The following HDAC6 variants were observed in gnomAD, a reference collection of about 807,000 sequenced individuals.
HDAC6 encodes protein deacetylase HDAC6.
HDAC6 carries 5 observed loss-of-function variants against 88.9 expected under a neutral mutation model. The observed-to-expected ratio is 0.06, with a 90% CI of 0.03 to 0.12. The LOEUF is 0.12. Among genes scored for constraint, HDAC6 ranks in the 10% least tolerant of loss-of-function variants. HDAC6 has a pLI of 1.00. For synonymous variants in HDAC6, 378 were observed against 398.0 expected, an observed-to-expected ratio of 0.95 and a Z score of 0.60; for missense variants, 706 against 1,014.4, an observed-to-expected ratio of 0.70 and a Z score of 4.13.
intron 20 of HDAC6, 189 bp from the exon 21 acceptor site, chrX:48,817,852 C>T (rs5906713): frequency 6.2e-4 from 284 of 455,524 alleles, no homozygotes; most frequent in Non-Finnish European, 1.0e-3. Flanking sequence ...GCCCAGGGCC[C>T]AGCCCCGAGC....
rs782165776 is a variant in HDAC6 at position 48,824,588 on chromosome X, G to A, written c.3624G>A (p.Gly1208=). Residue 1208 remains glycine (G), a synonymous_variant, in exon 29 of 29, where the codon GGG becomes GGA. Coordinates refer to ENST00000334136, the MANE Select transcript of HDAC6 (RefSeq NM_006044.4). ...VKNIAHQNKF[G]EDMPHPH is the part of the protein sequence containing the mutation. The stretch of plus-strand genomic sequence containing the variant: ...ACATCGCCCACCAGAACAAGTTTGG[G>A]GAGGATATGCCCCACCCACACTAAG... 2 of 1,210,354 alleles carry A rather than the reference G, an allele frequency of 1.7e-6. No homozygotes were observed. The highest frequency in any genetic ancestry group is 1.8e-5 in the South Asian group (1 of 56,825).
At chrX:48,817,886 C>T (rs1274578597) in intron 20 of HDAC6, 155 bp from the exon 21 acceptor site, 15 of 513,834 alleles carry the variant, frequency 2.9e-5, no homozygotes, top group Non-Finnish European at 5.0e-5. Flanking sequence ...TACCGGGCAG[C>T]CCTTGGGAAC....
chrX:48,816,099 C>T lies in HDAC6; in HGVS notation c.1494-42C>T, dbSNP rs782035991. On this transcript the variant is annotated intron_variant, in intron 17 of 28. Coordinates refer to ENST00000334136, the MANE Select transcript of HDAC6 (RefSeq NM_006044.4). ...TGAGTAGGTGTTGGGGGTCCCTCCC[C>T]CTCAGGCACTAAGCCTCTACCTCTC... 39 of 1,209,956 alleles carry T rather than the reference C, an allele frequency of 3.2e-5. No homozygotes were observed. The East Asian group carries it at 1.0e-3, about 31-fold the overall frequency.
intron 4 of HDAC6, among the ~76,000 whole-genome samples, chrX:48,804,411 C>T: frequency 8.9e-6 from 1 of 112,000 alleles, no homozygotes; most frequent in Non-Finnish European, 1.9e-5. Flanking sequence ...GTCTTCTACT[C>T]TTCCAGCTGC....
chrX:48,818,488 T>C (rs921834832), intron 22 of HDAC6, 76 bp downstream of exon 22: 24 of 785,290 alleles, frequency 3.1e-5, no homozygotes, highest in Non-Finnish European at 4.1e-5. Flanking sequence ...CTCCTTGGCA[T>C]GTGTGTGTGT....
chrX:48,805,840 T>C, intron 6 of HDAC6, 169 bp downstream of exon 6: 1 of 461,755 alleles, frequency 2.2e-6, no homozygotes. Flanking sequence ...CCAGTAAACA[T>C]AAGTTCCTCA....
chrX:48,824,814 T>G lies in HDAC6; in HGVS notation c.*202T>G. ...TTAATTGTGGATCTCCCCCTGCCCA[T>G]TGCCTGCTTGAGGGGCACCACTACT... On this transcript the variant is annotated 3_prime_UTR_variant, in exon 29 of 29. Transcript: ENST00000334136. The G allele has an allele frequency of 9.1e-7, 1 of 1,099,164 alleles. No individual in the cohort carries two copies. The highest frequency in any genetic ancestry group is 1.2e-6 in the Non-Finnish European group (1 of 843,303). 90.6% of individuals were successfully genotyped at this position (1,099,164 alleles called of 1,213,427 possible). A position where few individuals can be genotyped will look rare whatever the true frequency, so the allele number is the denominator to read the frequency against.
chrX:48,815,553 A>G, intron 15 of HDAC6, 22 bp from the exon 16 acceptor site: 1 of 1,208,108 alleles, frequency 8.3e-7, no homozygotes, highest in East Asian at 3.0e-5. Context: ...CCTTGACATC[A>G]TATTTTCTCC....
At chrX:48,821,299 C>G (rs1183488268) in intron 23 of HDAC6, among the ~76,000 whole-genome samples, 1 of 106,639 alleles carries the variant, frequency 9.4e-6, no homozygotes, top group Admixed American at 1.0e-4. Flanking sequence ...TCAAGCAGTT[C>G]TCTGCCTCAG....
At chrX:48,802,550 G>A in intron 1 of HDAC6, 113 bp from the exon 2 acceptor site, 2 of 1,122,433 alleles carry the variant, frequency 1.8e-6, no homozygotes, top group Non-Finnish European at 2.4e-6. Context: ...GAATCAGATC[G>A]CGTAAGGAAT....
intron 9 of HDAC6, 51 bp downstream of exon 9, chrX:48,808,188 T>G: frequency 8.7e-7 from 1 of 1,144,641 alleles, no homozygotes. Context: ...TGGGGTGTCC[T>G]GGTCTGGGCT....
chrX:48,820,049 C>T, intron 22 of HDAC6, 57 bp from the exon 23 acceptor site: 1 of 1,146,794 alleles, frequency 8.7e-7, no homozygotes, highest in Non-Finnish European at 1.2e-6. Flanking sequence ...CCATCACTTA[C>T]TGCCTACCAA....
chrX:48,815,551 T>A (rs782737021), intron 15 of HDAC6, 24 bp from the exon 16 acceptor site: 6 of 1,206,446 alleles, frequency 5.0e-6, no homozygotes, highest in Non-Finnish European at 6.7e-6. Flanking sequence ...TTCCTTGACA[T>A]CATATTTTCT....
chrX:48,823,911 AC>A lies in HDAC6; in HGVS notation c.3304-8del. The A allele has an allele frequency of 8.3e-7, 1 of 1,205,910 alleles. No individual in the cohort carries two copies. The highest frequency in any genetic ancestry group is 3.0e-5 in the East Asian group (1 of 33,665). On this transcript the variant is annotated splice_polypyrimidine_tract_variant and intron_variant, in intron 26 of 28. Coordinates refer to ENST00000334136, the MANE Select transcript of HDAC6 (RefSeq NM_006044.4). ...GTCTTCAGCTTACCTAGTTTCACCC[AC>A]CCACTCCAGGCCATATTTTATGCTG...
Position 48,823,522 on chromosome X carries a change from A to G in HDAC6, c.3123A>G (p.Thr1041=), listed in dbSNP as rs1557031086. 1 of 1,209,516 alleles carries G rather than the reference A, an allele frequency of 8.3e-7. No homozygotes were observed. The highest frequency in any genetic ancestry group is 2.2e-5 in the Admixed American group (1 of 45,882). Residue 1041 remains threonine (T), a synonymous_variant, in exon 25 of 29, where the codon ACA becomes ACG. Transcript: ENST00000334136. The stretch of plus-strand genomic sequence containing the variant: ...CAACCTCACCTGTGCAGGGAACTAC[A>G]CCCCAGATATCTCCCAGTACACTGA... The part of the protein sequence containing the change: ...TPPTSPVQGT[T]PQISPSTLIG...
rs151262020 is a variant in HDAC6, at chrX:48,822,765, G to A, written c.2483G>A (p.Arg828His). The change falls in exon 24 of 29, where the codon CGC becomes CAC. Residue 828 changes from arginine to histidine, a missense_variant. By Grantham distance (29) the Arg-to-His change is conservative. Transcript: ENST00000334136. The part of the protein sequence containing the change: ...ASITETIQVH[R>H]RYWRSLRVMK... ...ATCACTGAGACCATCCAAGTCCATC[G>A]CAGATACTGGCGCAGCTTACGGGTC... The A allele has an allele frequency of 2.4e-5, 29 of 1,201,843 alleles. No homozygotes were observed. The highest frequency in any genetic ancestry group is 1.9e-4 in the African/African-American group (11 of 56,658).
chrX:48,809,832 CATTTCAG>C (rs1392371765), intron 10 of HDAC6, among the ~76,000 whole-genome samples: 2 of 109,957 alleles, frequency 1.8e-5, no homozygotes, highest in Non-Finnish European at 3.8e-5. Flanking sequence ...GATTTTACAG[CATTTCAG>C]ATTTCAGATT....
intron 10 of HDAC6, chrX:48,813,727 A>G (rs2062937165): frequency 1.8e-5 from 2 of 111,706 alleles, no homozygotes; most frequent in Admixed American, 1.9e-4. Context: ...TCTCTCGCCT[A>G]TAAAATAGAA....
At chrX:48,803,080 C>T in intron 3 of HDAC6, 48 bp from the exon 4 acceptor site, 1 of 1,197,891 alleles carries the variant, frequency 8.3e-7, no homozygotes, top group Non-Finnish European at 1.1e-6. Context: ...TTCCCTCTGA[C>T]TCAGGGCCTA....
Sources: gnomAD v4.1 joint callset for allele counts (sites outside exome capture counted in the v4.1 genomes callset) on GRCh38, gnomAD v4.1.1 for gene constraint, MANE v1.5 for transcripts, NCBI Gene and HGNC (gene_info 2026-07-23, HGNC 2026-07-21) for gene names.